GABBR2: variants seen among roughly 807,000 people sequenced by gnomAD.
GABBR2 encodes the protein G-protein coupled receptor 51.
GABBR2 carries 23 observed loss-of-function variants against 105.6 expected under a neutral mutation model. The ratio of observed to expected loss-of-function variants is 0.22; its 90% CI spans 0.16 to 0.31. The LOEUF is 0.31. Among genes scored for constraint, GABBR2 ranks in the 10% least tolerant of loss-of-function variants. The pLI is 1.00. For missense variants in GABBR2, 734 were observed against 1,245.5 expected, an observed-to-expected ratio of 0.59 and a Z score of 6.18; for synonymous variants, 478 against 499.7, an observed-to-expected ratio of 0.96 and a Z score of 0.58.
At chr9:98,310,341 C>T (rs1352241514) in intron 14 of GABBR2, among the ~76,000 whole-genome samples, 15 of 151,898 alleles carry the variant, frequency 9.9e-5, no homozygotes, top group African/African-American at 2.4e-4. Flanking sequence ...CTCTGCCTCC[C>T]GGGTTCAAGC....
chr9:98,339,848 G>A (rs1831178884), intron 13 of GABBR2, among the ~76,000 whole-genome samples: 1 of 152,184 alleles, frequency 6.6e-6, no homozygotes, highest in Non-Finnish European at 1.5e-5. Context: ...GCAACCAAAA[G>A]CCAGGGGAAT....
Position 98,288,993 on chromosome 9 carries a change from A to T in GABBR2, c.*1591T>A, listed in dbSNP as rs1830244071. ...GAGCGAGCTGCTCAGTTGTGCAGAC[A>T]TCCTGGACATTGTCATTCAGGCCTT... On this transcript the variant is annotated 3_prime_UTR_variant, in exon 19 of 19. Coordinates refer to ENST00000259455, the MANE Select transcript of GABBR2 (RefSeq NM_005458.8). 6.6e-6 allele frequency: 1 copy of T among 152,664 alleles called. No homozygotes were observed. The allele number at this position is 152,664 out of a possible 1,614,324, so 9.5% of individuals were successfully genotyped here. A position where few individuals can be genotyped will look rare whatever the true frequency, so the allele number is the denominator to read the frequency against.
At chr9:98,387,427 T>C (rs1007635835) in intron 10 of GABBR2, among the ~76,000 whole-genome samples, 14 of 152,366 alleles carry the variant, frequency 9.2e-5, no homozygotes, top group Admixed American at 6.5e-4. Flanking sequence ...GAGCTGATTA[T>C]GTGCCCAGGC....
chr9:98,642,908 C>T (rs761524047), intron 1 of GABBR2, among the ~76,000 whole-genome samples: 2 of 152,202 alleles, frequency 1.3e-5, no homozygotes, highest in Non-Finnish European at 2.9e-5. Flanking sequence ...GTTTCCCACA[C>T]GAGTCCCTCC....
intron 3 of GABBR2, among the ~76,000 whole-genome samples, chr9:98,531,285 ACT>A (rs1828062951): frequency 6.6e-6 from 1 of 151,868 alleles, no homozygotes; most frequent in Non-Finnish European, 1.5e-5. Flanking sequence ...GAAGGACTCC[ACT>A]CTGAGGACCT....
At chr9:98,697,302 T>C (rs2131883374) in intron 1 of GABBR2, among the ~76,000 whole-genome samples, 1 of 152,236 alleles carries the variant, frequency 6.6e-6, no homozygotes, top group South Asian at 2.1e-4. Flanking sequence ...CCATCCTGGC[T>C]AACACGGTGA....
chr9:98,564,650 T>C (rs905488266), intron 2 of GABBR2, among the ~76,000 whole-genome samples: 1 of 152,136 alleles, frequency 6.6e-6, no homozygotes. Flanking sequence ...GCTATAGACA[T>C]GTGACAAATT....
chr9:98,445,182 G>A (rs1250993409), intron 7 of GABBR2, among the ~76,000 whole-genome samples: 2 of 152,220 alleles, frequency 1.3e-5, no homozygotes, highest in African/African-American at 2.4e-5. Context: ...GCCAGGTGAA[G>A]TACGAGGGGA....
chr9:98,333,639 A>G (rs1831065801), intron 13 of GABBR2, among the ~76,000 whole-genome samples: 1 of 152,184 alleles, frequency 6.6e-6, no homozygotes, highest in Non-Finnish European at 1.5e-5. Context: ...ATTTCTTCTG[A>G]AGACCCTTAA....
intron 2 of GABBR2, among the ~76,000 whole-genome samples, chr9:98,559,998 A>ACT (rs2131759590): frequency 7.0e-6 from 1 of 143,564 alleles, no homozygotes; most frequent in South Asian, 2.2e-4. Flanking sequence ...ACACACACTC[A>ACT]CACACACACA....
chr9:98,388,664 T>C lies in GABBR2; in HGVS notation c.1529+190A>G, dbSNP rs1309753255. 1.4e-5 allele frequency among the ~76,000 whole-genome samples: 2 copies of C among 142,782 alleles called. No individual in the cohort carries two copies. The highest frequency in any genetic ancestry group is 5.2e-5 in the African/African-American group (2 of 38,574). 93.7% of individuals were successfully genotyped at this position (142,782 alleles called of 152,430 possible). A position where few individuals can be genotyped will look rare whatever the true frequency, so the allele number is the denominator to read the frequency against. Reference sequence around the variant, plus strand: ...GTGTGTGTGTGTGTGTGTGTGTGCGTGCACGCACACACACGTACTCACATG... The same window carrying C: ...GTGTGTGTGTGTGTGTGTGTGTGCGCGCACGCACACACACGTACTCACATG... On this transcript the variant is annotated intron_variant, in intron 10 of 18. Transcript: ENST00000259455. This position sits in a 1 kb window ranked among gnomAD's most constrained non-coding sequence, Gnocchi z 4.4.
At chr9:98,501,357 G>A (rs917834386) in intron 3 of GABBR2, among the ~76,000 whole-genome samples, 2 of 152,146 alleles carry the variant, frequency 1.3e-5, no homozygotes, top group African/African-American at 2.4e-5. Flanking sequence ...TAGAGACGGG[G>A]TTTCGCCATG....
At chr9:98,617,324 G>C (rs1483048346) in intron 1 of GABBR2, among the ~76,000 whole-genome samples, 1 of 152,138 alleles carries the variant, frequency 6.6e-6, no homozygotes, top group Non-Finnish European at 1.5e-5. Flanking sequence ...AGGAAATGGG[G>C]CCCAGAGAAA....
chr9:98,619,530 A>G (rs1829639850), intron 1 of GABBR2, among the ~76,000 whole-genome samples: 1 of 152,192 alleles, frequency 6.6e-6, no homozygotes, highest in Non-Finnish European at 1.5e-5. Context: ...AGAGACTGAT[A>G]TTTCATCGGA....
chr9:98,376,421 C>A (rs758257298), intron 11 of GABBR2, among the ~76,000 whole-genome samples: 2 of 152,210 alleles, frequency 1.3e-5, no homozygotes, highest in Non-Finnish European at 2.9e-5. Context: ...TGGTGGCTGG[C>A]TGGACACAGG....
At chr9:98,580,983 CATTT>C (rs1175759512) in intron 1 of GABBR2, 15 of 152,320 alleles carry the variant, frequency 9.8e-5, no homozygotes, top group African/African-American at 3.6e-4. Context: ...GCTCCCTCTT[CATTT>C]ATTTGAGAAA....
intron 13 of GABBR2, among the ~76,000 whole-genome samples, chr9:98,317,321 G>T (rs867578986): frequency 3.3e-5 from 5 of 152,336 alleles, no homozygotes; most frequent in African/African-American, 1.2e-4. Context: ...TCTCCCATCT[G>T]TGCGGCAAAA....
Position 98,385,620 on chromosome 9 carries a change from G to T in GABBR2, c.1662+20C>A, listed in dbSNP as rs374526767. Reference sequence around the variant, plus strand: ...GGAAACTTTCTATCATATACCACTGGCTTATGCAGAATGACTTACGGTGCA... The same window carrying T: ...GGAAACTTTCTATCATATACCACTGTCTTATGCAGAATGACTTACGGTGCA... On this transcript the variant is annotated intron_variant, in intron 11 of 18. Transcript: ENST00000259455. 1.2e-6 allele frequency: 2 copies of T among 1,608,916 alleles called. No homozygotes were observed. Among genetic ancestry groups the T allele is most frequent in the Admixed American group, 1.7e-5 (1 of 59,974 alleles).
intron 15 of GABBR2, among the ~76,000 whole-genome samples, chr9:98,305,438 A>T (rs937194790): frequency 1.3e-5 from 2 of 152,270 alleles, no homozygotes; most frequent in African/African-American, 4.8e-5. Context: ...CCTCAATGAC[A>T]GTTATGAATG....
Sources: allele counts gnomAD v4.1 joint callset (sites outside exome capture counted in the v4.1 genomes callset), GRCh38; gene constraint gnomAD v4.1.1; non-coding constraint Gnocchi (gnomAD v3.1); transcripts MANE v1.5; gene names NCBI Gene and HGNC (gene_info 2026-07-23, HGNC 2026-07-21).